The following HAPLN2 variants were observed in gnomAD, a reference collection of about 807,000 sequenced individuals.
The protein encoded by HAPLN2 is brain link protein-1.
In HAPLN2, 27 loss-of-function variants were observed where a neutral mutation model predicts 29.3. The observed-to-expected ratio is 0.92, with a 90% confidence interval of 0.68 to 1.27. The LOEUF (loss-of-function observed/expected upper bound fraction) is 1.27, where lower values mean the gene tolerates loss of function less well. Ranked by LOEUF, HAPLN2 falls within the 50% of genes most tolerant of loss-of-function variation. The pLI is 0.00. For missense variants in HAPLN2, 454 were observed against 484.3 expected (o/e 0.94, Z 0.59); for synonymous variants, 208 against 211.7 (o/e 0.98, Z 0.15).
rs112755050 is a variant in HAPLN2 at position 156,624,237 on chromosome 1, C to T, written c.439+77C>T. ...GCCTGGGTCTCCCAGGGCTCCTTCC[C>T]AGTATCTCCTCCGCACCCCTGGGGA... On this transcript the variant is annotated intron_variant, in intron 4 of 6. Transcript: ENST00000255039. 2,123 of 1,520,152 alleles carry T rather than the reference C, an allele frequency of 1.4e-3. 29 individuals carry two copies. The African/African-American group carries it at 0.027, about 19-fold the overall frequency. The allele number at this position is 1,520,152 out of a possible 1,614,324, so 94.2% of individuals were successfully genotyped here. A position where few individuals can be genotyped will look rare whatever the true frequency, so the allele number is the denominator to read the frequency against.
chr1:156,623,638 G>A, intron 3 of HAPLN2, 63 bp downstream of exon 3: 2 of 1,601,244 alleles, frequency 1.2e-6, no homozygotes, highest in Admixed American at 1.7e-5. Context: ...GGTGGGGAAA[G>A]GGGAAAGGGC....
At position 156,623,454 on chromosome 1, in the gene HAPLN2, T is replaced by C. The variant is rs1165163970; in HGVS notation, c.-24-13T>C. 6.2e-7 allele frequency: 1 copy of C among 1,610,698 alleles called. No individual in the cohort carries two copies. Among genetic ancestry groups the C allele is most frequent in the East Asian group, 2.2e-5 (1 of 44,838 alleles). On this transcript the variant is annotated splice_polypyrimidine_tract_variant and intron_variant, in intron 2 of 6. Coordinates refer to ENST00000255039, the MANE Select transcript of HAPLN2 (RefSeq NM_021817.3). ...CCCAGTCCTAAGAACTGCCCACTCT[T>C]TGTGCCCTGCAGACGGTGCCGGGCT...
chr1:156,604,205 A>G, the HAPLN2 span, among the ~76,000 whole-genome samples: 23 of 152,216 alleles, frequency 1.5e-4, no homozygotes, highest in African/African-American at 4.8e-4. Flanking sequence ...GAATCAAAAT[A>G]TCTCACAACA....
At chr1:156,611,578 CA>C in the HAPLN2 span, among the ~76,000 whole-genome samples, 1 of 151,462 alleles carries the variant, frequency 6.6e-6, no homozygotes, top group Admixed American at 6.6e-5. Flanking sequence ...AAACAAAAAA[CA>C]AAAAAACAAA....
At chr1:156,607,521 G>T in the HAPLN2 span, among the ~76,000 whole-genome samples, 5 of 152,162 alleles carry the variant, frequency 3.3e-5, no homozygotes, top group African/African-American at 1.2e-4. Flanking sequence ...GCCCCTGAGT[G>T]CTGAGGGAGG....
At position 156,623,996 on chromosome 1, in the gene HAPLN2, G is replaced by A. The variant is rs200830732; in HGVS notation, c.275G>A (p.Arg92Gln). ...LILITNGLHA[R>Q]GYGPLGGRAR... ...CTCATCACCAACGGACTGCACGCCC[G>A]GGGGTATGGGCCCCTGGGAGGGCGC... Residue 92 changes from arginine (R) to glutamine (Q), a missense_variant, in exon 4 of 7, where the codon CGG (arginine) becomes CAG (glutamine). Arg to Gln is a conservative substitution (Grantham distance 43). This residue lies in a region of HAPLN2 where 204 missense variants were observed against 209.2 expected (regional missense o/e 0.98). Transcript: ENST00000255039. The A allele has an allele frequency of 4.8e-5, 78 of 1,608,718 alleles. No homozygotes were observed. The highest frequency in any genetic ancestry group is 3.6e-4 in the African/African-American group (27 of 74,818).
chr1:156,623,661 T>C, intron 3 of HAPLN2, 86 bp downstream of exon 3: 1 of 1,573,738 alleles, frequency 6.4e-7, no homozygotes, highest in Non-Finnish European at 8.6e-7. Context: ...TTGTTGCAGG[T>C]ACCCAGGGAC....
chr1:156,618,623 C>A (rs1254771134), upstream of HAPLN2, among the ~76,000 whole-genome samples: 3 of 149,892 alleles, frequency 2.0e-5, no homozygotes, highest in African/African-American at 2.5e-5. Context: ...ACTTAAAATA[C>A]AAAAAATTAG....
At chr1:156,602,734 C>T in the HAPLN2 span, among the ~76,000 whole-genome samples, 1 of 151,184 alleles carries the variant, frequency 6.6e-6, no homozygotes, top group South Asian at 2.1e-4. Context: ...TTTGGACTTG[C>T]CCTGTCGGTA....
At chr1:156,604,193 A>G in the HAPLN2 span, among the ~76,000 whole-genome samples, 1 of 152,244 alleles carries the variant, frequency 6.6e-6, no homozygotes, top group Admixed American at 6.5e-5. Flanking sequence ...AAAAATTGGA[A>G]AGAATCAAAA....
upstream of HAPLN2, among the ~76,000 whole-genome samples, chr1:156,618,337 G>T (rs1420669009): frequency 6.7e-6 from 1 of 149,560 alleles, no homozygotes; most frequent in Non-Finnish European, 1.5e-5. Context: ...TTAATTAGAC[G>T]GGTGTGGTGG....
rs777145709 is a variant in HAPLN2, at chr1:156,625,306, G to A, written c.945G>A (p.Pro315=). ...CGAGGCCGCGCTGCGGGGGGCTCCCGGATCCCGGAGTGCGCAGTTTCGGCT... is the reference window on the plus strand; with the variant it reads ...CGAGGCCGCGCTGCGGGGGGCTCCCAGATCCCGGAGTGCGCAGTTTCGGCT... ...TTPRPRCGGL[P]DPGVRSFGFP... The change falls in exon 7 of 7, where the codon CCG becomes CCA. Residue 315 remains proline, a synonymous_variant. Coordinates refer to ENST00000255039, the MANE Select transcript of HAPLN2 (RefSeq NM_021817.3). The surrounding 1 kb of genome is among the most constrained non-coding windows in gnomAD (Gnocchi z 5.7). 6.3e-7 allele frequency: 1 copy of A among 1,585,130 alleles called. No individual in the cohort carries two copies. The highest frequency in any genetic ancestry group is 8.6e-7 in the Non-Finnish European group (1 of 1,166,712).
rs1557975831 is a variant in HAPLN2, at chr1:156,623,052, ATAAAT to A, written c.-24-414_-24-410del. On this transcript the variant is annotated intron_variant, in intron 2 of 6. Transcript: ENST00000255039. The stretch of plus-strand genomic sequence containing the variant: ...CTGTCTCAAAAAAATAAATAAATAA[ATAAAT>A]AAATAAATAAATAAATAAATAAAAT... Among the ~76,000 whole-genome samples the A allele has an allele frequency of 9.7e-4, 137 of 140,730 alleles. 2 individuals are homozygous for A. The highest frequency in any genetic ancestry group is 3.8e-3 in the African/African-American group (133 of 35,394). The allele number at this position is 140,730 out of a possible 152,430, so 92.3% of individuals were successfully genotyped here.
the HAPLN2 span, among the ~76,000 whole-genome samples, chr1:156,610,742 T>C: frequency 6.6e-6 from 1 of 152,206 alleles, no homozygotes; most frequent in African/African-American, 2.4e-5. Context: ...TTTATCTACC[T>C]TCCTGTAGAT....
chr1:156,605,990 AAAT>A, the HAPLN2 span, among the ~76,000 whole-genome samples: 1 of 152,180 alleles, frequency 6.6e-6, no homozygotes, highest in East Asian at 1.9e-4. Flanking sequence ...TCTCTACTAA[AAAT>A]AAAAATTAGG....
intron 2 of HAPLN2, among the ~76,000 whole-genome samples, chr1:156,621,402 C>T (rs1332195370): frequency 1.3e-5 from 2 of 150,524 alleles, no homozygotes; most frequent in African/African-American, 2.5e-5. Context: ...TGTGCCTGGC[C>T]CAGTCCAATT....
At chr1:156,601,533 A>C in the HAPLN2 span, 13 of 1,438,112 alleles carry the variant, frequency 9.0e-6, no homozygotes, top group Non-Finnish European at 3.8e-6. Flanking sequence ...GCGGGAACCA[A>C]AATCACGGTT....
chr1:156,620,717 T>C (rs1287128148), intron 2 of HAPLN2, among the ~76,000 whole-genome samples: 1 of 152,186 alleles, frequency 6.6e-6, no homozygotes, highest in Non-Finnish European at 1.5e-5. Flanking sequence ...TGGCAACTTC[T>C]CAGGGTGCTT....
the HAPLN2 span, among the ~76,000 whole-genome samples, chr1:156,611,266 TAAAA>T: frequency 5.8e-5 from 8 of 138,420 alleles, no homozygotes; most frequent in Middle Eastern, 3.4e-3. Context: ...AGTGAGACCC[TAAAA>T]AAAAAAAAAA....
Sources: allele counts gnomAD v4.1 joint callset (sites outside exome capture counted in the v4.1 genomes callset), GRCh38; gene constraint gnomAD v4.1.1; regional missense constraint gnomAD v4.1.1; non-coding constraint Gnocchi (gnomAD v3.1); transcripts MANE v1.5; gene names NCBI Gene and HGNC (gene_info 2026-07-23, HGNC 2026-07-21).